GPHN: variants seen among roughly 807,000 people sequenced by gnomAD.
The protein encoded by GPHN is gephyrin.
In GPHN, 17 loss-of-function variants were observed where a neutral mutation model predicts 95.5. That is an observed-to-expected ratio of 0.18 (90% CI 0.12 to 0.27). The LOEUF is 0.27. Among genes scored for constraint, GPHN ranks in the 10% least tolerant of loss-of-function variants. The pLI is 1.00. For synonymous variants in GPHN, 320 were observed against 322.5 expected (o/e 0.99, Z 0.08); for missense variants, 660 against 978.1 (o/e 0.67, Z 4.34).
intron 2 of GPHN, among the ~76,000 whole-genome samples, chr14:66,715,780 G>T (rs865810546): frequency 3.3e-5 from 5 of 152,110 alleles, no homozygotes; most frequent in African/African-American, 9.7e-5. Flanking sequence ...CCATGGATTT[G>T]CATGGTTTTG....
At chr14:67,674,378 T>A in the GPHN span, 245 of 1,592,264 alleles carry the variant, frequency 1.5e-4, 1 homozygote, top group Middle Eastern at 1.4e-3. Flanking sequence ...GCCTCACCGG[T>A]CCCCGCCGTC....
At chr14:67,070,715 A>AAAAAAAAAATATATATATATAT in intron 11 of GPHN, among the ~76,000 whole-genome samples, 71 of 80,592 alleles carry the variant, frequency 8.8e-4, no homozygotes, top group African/African-American at 5.8e-3. Context: ...AAAAAAAAAA[A>AAAAAAAAAATATATATATATAT]ATATATATAT....
At chr14:67,529,431 G>A in the GPHN span, among the ~76,000 whole-genome samples, 1 of 152,142 alleles carries the variant, frequency 6.6e-6, no homozygotes, top group African/African-American at 2.4e-5. Context: ...CACAGTGGCT[G>A]GAAAATAGCA....
chr14:67,379,906 G>A, the GPHN span, among the ~76,000 whole-genome samples: 4 of 151,626 alleles, frequency 2.6e-5, no homozygotes, highest in South Asian at 4.2e-4. Context: ...CGCCCGCCTC[G>A]GCCTCCCAAA....
chr14:67,729,430 G>A, the GPHN span: 4 of 1,554,160 alleles, frequency 2.6e-6, no homozygotes, highest in Admixed American at 1.7e-5. Context: ...CATGGGAGGT[G>A]CCGGACTCGC....
chr14:67,364,843 T>G, the GPHN span: 1 of 1,614,056 alleles, frequency 6.2e-7, no homozygotes, highest in Non-Finnish European at 8.5e-7. Context: ...GAATGTCAGA[T>G]CCATTGCTGA....
intron 4 of GPHN, among the ~76,000 whole-genome samples, chr14:66,843,413 CTACACT>C (rs1251565386): frequency 2.0e-5 from 3 of 152,198 alleles, no homozygotes; most frequent in Non-Finnish European, 1.5e-5. Flanking sequence ...CTGCTATCAT[CTACACT>C]TGCCTTGTGC....
chr14:66,957,021 G>A (rs1359547181), intron 8 of GPHN, among the ~76,000 whole-genome samples: 4 of 149,462 alleles, frequency 2.7e-5, no homozygotes, highest in East Asian at 4.0e-4. Context: ...GCTAGATGAC[G>A]AGATAGAGGG....
At chr14:67,274,299 A>G in the GPHN span, among the ~76,000 whole-genome samples, 2 of 152,302 alleles carry the variant, frequency 1.3e-5, no homozygotes, top group East Asian at 1.9e-4. Flanking sequence ...TAATTTTTGT[A>G]TAAGGTGTAA....
chr14:67,047,091 G>A (rs1321999204), intron 10 of GPHN, among the ~76,000 whole-genome samples: 1 of 152,126 alleles, frequency 6.6e-6, no homozygotes, highest in Non-Finnish European at 1.5e-5. Flanking sequence ...AATAGAGGCA[G>A]TAATATTAAT....
chr14:67,288,617 C>T, the GPHN span, among the ~76,000 whole-genome samples: 1 of 152,078 alleles, frequency 6.6e-6, no homozygotes, highest in Non-Finnish European at 1.5e-5. Context: ...TTTATAATTT[C>T]TTTTTCTTAT....
At chr14:66,645,474 G>A (rs1049258092) in intron 1 of GPHN, among the ~76,000 whole-genome samples, 4 of 151,886 alleles carry the variant, frequency 2.6e-5, no homozygotes, top group African/African-American at 4.8e-5. Flanking sequence ...ATTACCTGAG[G>A]TAAGGAGTTC....
chr14:67,722,572 G>GA, the GPHN span: 1 of 1,328,414 alleles, frequency 7.5e-7, no homozygotes, highest in Non-Finnish European at 1.1e-6. Flanking sequence ...GCCAGACCAG[G>GA]AACCTGAGCC....
the GPHN span, among the ~76,000 whole-genome samples, chr14:67,276,415 C>A: frequency 3.9e-5 from 6 of 152,024 alleles, no homozygotes; most frequent in Admixed American, 3.9e-4. Flanking sequence ...TTTTAGTTGC[C>A]CTTTGAAATC....
the GPHN span, chr14:67,585,419 T>C: frequency 1.1e-5 from 7 of 632,310 alleles, no homozygotes; most frequent in Admixed American, 5.4e-5. Flanking sequence ...CTGCATACAC[T>C]GTACAAATAT....
At chr14:67,668,016 T>C in the GPHN span, among the ~76,000 whole-genome samples, 2 of 152,142 alleles carry the variant, frequency 1.3e-5, no homozygotes, top group African/African-American at 4.8e-5. Context: ...TGTAAGTAAT[T>C]GGTGTTTATC....
At chr14:67,380,791 A>C in the GPHN span, 2 of 1,369,040 alleles carry the variant, frequency 1.5e-6, no homozygotes, top group South Asian at 3.0e-5. Flanking sequence ...AATGATTTTT[A>C]CAGTATTTTG....
intron 2 of GPHN, among the ~76,000 whole-genome samples, chr14:66,698,677 T>C (rs1233414687): frequency 6.6e-6 from 1 of 152,190 alleles, no homozygotes; most frequent in Middle Eastern, 3.2e-3. Context: ...ACAGCAGAGT[T>C]GAGTAGTTTC....
chr14:67,722,660 A>C, the GPHN span: 1 of 1,613,938 alleles, frequency 6.2e-7, no homozygotes, highest in Non-Finnish European at 8.5e-7. Context: ...TCACCTTGGG[A>C]CTGCTCACCT....
Sources: allele counts gnomAD v4.1 joint callset (sites outside exome capture counted in the v4.1 genomes callset), GRCh38; gene constraint gnomAD v4.1.1; transcripts MANE v1.5; gene names NCBI Gene and HGNC (gene_info 2026-07-23, HGNC 2026-07-21).